RIMS1: variants seen among roughly 807,000 people sequenced by gnomAD.
RIMS1 encodes the protein regulating synaptic membrane exocytosis 1, also known as regulating synaptic membrane exocytosis protein 1.
RIMS1 carries 83 observed loss-of-function variants against 214.1 expected under a neutral mutation model. The observed-to-expected ratio is 0.39, with a 90% CI of 0.32 to 0.47. RIMS1 has a LOEUF of 0.47. RIMS1 is among the 20% of genes least tolerant of loss of function. The pLI is 0.99. For synonymous variants in RIMS1, 793 were observed against 786.8 expected (o/e 1.01, Z -0.13); for missense variants, 2,050 against 2,161.8 (o/e 0.95, Z 1.03).
intron 2 of RIMS1, among the ~76,000 whole-genome samples, chr6:72,080,715 C>T (rs1010003619): frequency 6.6e-6 from 1 of 152,176 alleles, no homozygotes; most frequent in Non-Finnish European, 1.5e-5. Flanking sequence ...CAGGTGGGCT[C>T]CCACCTCAGG....
rs1022123655 is a variant in RIMS1, at chr6:72,119,238, T to A, written c.471+19252T>A. 2.0e-5 allele frequency among the ~76,000 whole-genome samples: 3 copies of A among 150,644 alleles called. No homozygotes were observed. The East Asian group carries it at 5.8e-4, about 29-fold the overall frequency. On this transcript the variant is annotated intron_variant, in intron 4 of 33. Transcript: ENST00000521978. ...TCCCTTTCACAACAGCTGCAAAAAA[T>A]TTATAAAATACTTAACCAAGCAGGT...
chr6:72,059,051 A>G (rs1827137151), intron 2 of RIMS1, among the ~76,000 whole-genome samples: 1 of 152,200 alleles, frequency 6.6e-6, no homozygotes, highest in Admixed American at 6.5e-5. Context: ...AGAACTATGT[A>G]TCTACTACCT....
intron 29 of RIMS1, among the ~76,000 whole-genome samples, chr6:72,373,543 A>G (rs1477564754): frequency 6.6e-6 from 1 of 152,270 alleles, no homozygotes; most frequent in East Asian, 1.9e-4. Flanking sequence ...CCTTGAGAGT[A>G]ATAAGCAAAC....
intron 2 of RIMS1, among the ~76,000 whole-genome samples, chr6:71,992,456 CTCTT>C (rs1357554673): frequency 7.7e-5 from 9 of 116,292 alleles, no homozygotes; most frequent in East Asian, 2.3e-4. Context: ...CTTTCTCTTT[CTCTT>C]TCTTTCTCCT....
chr6:72,007,204 A>G (rs1030197021), intron 2 of RIMS1, among the ~76,000 whole-genome samples: 7 of 152,216 alleles, frequency 4.6e-5, no homozygotes, highest in African/African-American at 1.7e-4. Context: ...GCTGATACCC[A>G]GGCAAACAGG....
At chr6:72,181,371 T>C (rs1200996564) in intron 5 of RIMS1, among the ~76,000 whole-genome samples, 1 of 152,222 alleles carries the variant, frequency 6.6e-6, no homozygotes, top group African/African-American at 2.4e-5. Flanking sequence ...GTAGAATTAA[T>C]AGCATTTGGT....
rs1372880377 is a variant in RIMS1, at chr6:72,182,677, G to A, written c.1206G>A (p.Ala402=). ...DVALPRTEAG[A]ALPEGKAGKR... ...CGCTCCCGCGCACCGAGGCGGGCGC[G>A]GCGCTGCCGGAGGGCAAGGCCGGCA... The change falls in exon 6 of 34, where the codon GCG becomes GCA. Residue 402 remains alanine (A), a synonymous_variant. Coordinates refer to ENST00000521978, the MANE Select transcript of RIMS1 (RefSeq NM_014989.7). 6.2e-6 allele frequency: 9 copies of A among 1,443,250 alleles called. No homozygotes were observed. The highest frequency in any genetic ancestry group is 5.7e-5 in the East Asian group (2 of 35,098). 89.4% of individuals were successfully genotyped at this position (1,443,250 alleles called of 1,614,324 possible). A position where few individuals can be genotyped will look rare whatever the true frequency, so the allele number is the denominator to read the frequency against.
rs184819806 is a variant in RIMS1 at position 71,944,134 on chromosome 6, A to G, written c.165-24849A>G. ...ACTTGGTAAAATACTATTATGGTTA[A>G]TGTAAAATCTAAGATGAATTAGGTA... On this transcript the variant is annotated intron_variant, in intron 1 of 33. Transcript: ENST00000521978. Among the ~76,000 whole-genome samples the G allele has an allele frequency of 9.2e-5, 14 of 152,340 alleles. No individual in the cohort carries two copies. In the East Asian group the frequency reaches 2.1e-3, roughly 23 times the overall value.
At chr6:71,902,001 A>G (rs556997158) in intron 1 of RIMS1, among the ~76,000 whole-genome samples, 18 of 152,248 alleles carry the variant, frequency 1.2e-4, no homozygotes, top group African/African-American at 3.8e-4. Flanking sequence ...CTTGGCTAAG[A>G]AGGGGAAAGA....
chr6:72,312,061 G>C (rs1292760517), intron 27 of RIMS1, among the ~76,000 whole-genome samples: 2 of 152,118 alleles, frequency 1.3e-5, no homozygotes, highest in African/African-American at 4.8e-5. Context: ...CCTTTCTCTA[G>C]GGTAATTTTT....
At chr6:72,032,582 C>T (rs2152022488) in intron 2 of RIMS1, among the ~76,000 whole-genome samples, 1 of 152,106 alleles carries the variant, frequency 6.6e-6, no homozygotes, top group East Asian at 1.9e-4. Context: ...AATAAAAATG[C>T]TCTATTGCAT....
At chr6:72,220,894 C>G (rs2058171526) in intron 6 of RIMS1, among the ~76,000 whole-genome samples, 1 of 151,938 alleles carries the variant, frequency 6.6e-6, no homozygotes, top group South Asian at 2.1e-4. Flanking sequence ...TTATAGAGAT[C>G]TCTATGTAAG....
At chr6:72,271,285 AAATATATATATAT>A (rs1364495591) in intron 22 of RIMS1, among the ~76,000 whole-genome samples, 4,818 of 22,862 alleles carry the variant, frequency 0.21, 179 homozygotes, top group South Asian at 0.36. Flanking sequence ...AAAAAAAAAA[AAATATATATATAT>A]ATATATATAT....
intron 29 of RIMS1, among the ~76,000 whole-genome samples, chr6:72,340,880 G>A (rs1263348886): frequency 6.6e-6 from 1 of 151,982 alleles, no homozygotes; most frequent in East Asian, 1.9e-4. Flanking sequence ...GGGCAGTATG[G>A]CCATTTTCAC....
intron 29 of RIMS1, among the ~76,000 whole-genome samples, chr6:72,337,312 TCTC>T (rs1329519208): frequency 1.3e-5 from 2 of 151,786 alleles, no homozygotes; most frequent in East Asian, 1.9e-4. Context: ...TCCTATATCT[TCTC>T]CTCACTTGAA....
chr6:72,270,163 T>C (rs1333876056), intron 22 of RIMS1, among the ~76,000 whole-genome samples: 2 of 152,196 alleles, frequency 1.3e-5, no homozygotes, highest in Non-Finnish European at 2.9e-5. Context: ...AAGGAAGTTC[T>C]TGGCTAAAAA....
intron 29 of RIMS1, among the ~76,000 whole-genome samples, chr6:72,360,951 G>C (rs114024063): frequency 0.012 from 1,787 of 148,208 alleles, 39 homozygotes; most frequent in African/African-American, 0.042. Flanking sequence ...TTTTTTAAAA[G>C]TTATTTGGAA....
chr6:71,895,942 CA>C (rs1256880543), intron 1 of RIMS1, among the ~76,000 whole-genome samples: 1 of 152,016 alleles, frequency 6.6e-6, no homozygotes, highest in Non-Finnish European at 1.5e-5. Flanking sequence ...GTAAAGTAAC[CA>C]AATGGCTTTT....
chr6:71,989,949 A>G (rs1425605238), intron 2 of RIMS1, among the ~76,000 whole-genome samples: 1 of 152,168 alleles, frequency 6.6e-6, no homozygotes, highest in Non-Finnish European at 1.5e-5. Context: ...CATGCTGTCC[A>G]TCGTGTCAGG....
Sources: allele counts gnomAD v4.1 joint callset (sites outside exome capture counted in the v4.1 genomes callset), GRCh38; gene constraint gnomAD v4.1.1; transcripts MANE v1.5; gene names NCBI Gene and HGNC (gene_info 2026-07-23, HGNC 2026-07-21).